The following LYPD6B variants were observed in gnomAD, a reference collection of about 807,000 sequenced individuals.
LYPD6B encodes LY6/PLAUR domain containing 6B.
A neutral mutation model predicts 22.8 loss-of-function variants in LYPD6B; 17 were observed. The ratio of observed to expected loss-of-function variants is 0.75; its 90% CI spans 0.51 to 1.12. The LOEUF (loss-of-function observed/expected upper bound fraction) is 1.12. Among genes scored for constraint, LYPD6B ranks in the 50% most tolerant of loss-of-function variants. LYPD6B has a pLI of 0.00. For synonymous variants in LYPD6B, 106 were observed against 91.6 expected (o/e 1.16, Z -0.90); for missense variants, 221 against 258.3 (o/e 0.86, Z 0.99).
rs1684923343 is a variant in LYPD6B at position 149,077,362 on chromosome 2, C to G, written c.-67+38561C>G. On this transcript the variant is annotated intron_variant, in intron 1 of 6. Transcript: ENST00000409642. ...TTGTTTTCTGGCATACCTTAAATAA[C>G]TGCCTGGACATGATTGATTAACTCT... 3.3e-5 allele frequency among the ~76,000 whole-genome samples: 5 copies of G among 152,230 alleles called. No homozygotes were observed. The South Asian group carries it at 1.0e-3, about 32-fold the overall frequency.
chr2:149,155,801 G>A (rs1689664077), intron 2 of LYPD6B, among the ~76,000 whole-genome samples: 1 of 152,194 alleles, frequency 6.6e-6, no homozygotes, highest in Admixed American at 6.5e-5. Flanking sequence ...CATTGTCTGT[G>A]GAGGCTGTAG....
At chr2:149,099,952 C>A (rs867135208) in intron 1 of LYPD6B, among the ~76,000 whole-genome samples, 2 of 152,160 alleles carry the variant, frequency 1.3e-5, no homozygotes, top group South Asian at 2.1e-4. Flanking sequence ...CTGTTCTGGG[C>A]AGCCTGAGGG....
chr2:149,147,090 G>C (rs1384239958), intron 2 of LYPD6B, among the ~76,000 whole-genome samples: 2 of 152,126 alleles, frequency 1.3e-5, no homozygotes, highest in African/African-American at 4.8e-5. Flanking sequence ...CTTCTCAGCG[G>C]TTCCCAGAGC....
At chr2:149,046,873 A>C (rs1683330894) in intron 1 of LYPD6B, among the ~76,000 whole-genome samples, 2 of 152,214 alleles carry the variant, frequency 1.3e-5, no homozygotes, top group Non-Finnish European at 2.9e-5. Flanking sequence ...CCAGGGGTCA[A>C]CAAACTTTTT....
rs144581021 is a variant in LYPD6B at position 149,120,953 on chromosome 2, G to T, written c.-66-9930G>T. Among the ~76,000 whole-genome samples, 952 of 151,536 alleles carry T rather than the reference G, an allele frequency of 6.3e-3. 10 individuals are homozygous for T. Among genetic ancestry groups the T allele is most frequent in the African/African-American group, 0.021 (873 of 41,266 alleles). On this transcript the variant is annotated intron_variant, in intron 1 of 6. Coordinates refer to ENST00000409642, the MANE Select transcript of LYPD6B (RefSeq NM_177964.5). ...ACTACAGGTGTGCACCACCATACCT[G>T]GCTAATTTTTGTATTTTCAGTAGAG... is the stretch of plus-strand genomic sequence containing the variant.
At chr2:149,190,402 G>A (rs1330644296) in intron 3 of LYPD6B, among the ~76,000 whole-genome samples, 1 of 152,138 alleles carries the variant, frequency 6.6e-6, no homozygotes, top group Non-Finnish European at 1.5e-5. Flanking sequence ...ATGTATCATT[G>A]TACATGTATG....
intron 3 of LYPD6B, among the ~76,000 whole-genome samples, chr2:149,186,009 A>C (rs1448672629): frequency 2.0e-5 from 3 of 152,212 alleles, no homozygotes; most frequent in Non-Finnish European, 4.4e-5. Context: ...GGGCTTCCCT[A>C]TTCCTTGAGA....
At chr2:149,147,997 C>A (rs1476235575) in intron 2 of LYPD6B, among the ~76,000 whole-genome samples, 3 of 149,250 alleles carry the variant, frequency 2.0e-5, no homozygotes, top group Non-Finnish European at 4.4e-5. Flanking sequence ...TTCCATTCTT[C>A]TTCTGTTTTC....
At chr2:149,069,812 T>G (rs755563847) in intron 1 of LYPD6B, among the ~76,000 whole-genome samples, 70 of 152,090 alleles carry the variant, frequency 4.6e-4, no homozygotes, top group Non-Finnish European at 8.1e-4. Context: ...GTTCCAGTCC[T>G]GCAGAAGCTT....
chr2:149,154,887 C>T (rs927296611), intron 2 of LYPD6B, among the ~76,000 whole-genome samples: 9 of 152,030 alleles, frequency 5.9e-5, no homozygotes, highest in East Asian at 1.9e-4. Context: ...TATGGACTCG[C>T]GAAATACTCA....
intron 1 of LYPD6B, among the ~76,000 whole-genome samples, chr2:149,122,084 G>T (rs996092732): frequency 6.6e-6 from 1 of 152,144 alleles, no homozygotes; most frequent in Non-Finnish European, 1.5e-5. Flanking sequence ...CCATTTAGTG[G>T]AATCTCAAGC....
rs180804549 is a variant in LYPD6B, at chr2:149,204,946, C to T, written c.78-307C>T. On this transcript the variant is annotated intron_variant, in intron 3 of 6. Transcript: ENST00000409642. ...TTCAGCACAGAGGAAACCAGCTAGC[C>T]GCAGTCACTGAGGGAATGGGGTGCA... 628 of 255,068 alleles carry T rather than the reference C, an allele frequency of 2.5e-3. 2 individuals carry two copies. The highest frequency in any genetic ancestry group is 3.5e-3 in the Non-Finnish European group (472 of 134,392). 15.8% of individuals were successfully genotyped at this position (255,068 alleles called of 1,614,324 possible). A position where few individuals can be genotyped will look rare whatever the true frequency, so the allele number is the denominator to read the frequency against.
intron 1 of LYPD6B, among the ~76,000 whole-genome samples, chr2:149,122,633 T>A (rs891767449): frequency 2.9e-5 from 4 of 138,626 alleles, no homozygotes; most frequent in African/African-American, 1.1e-4. Flanking sequence ...AGTGTTCTCA[T>A]TGTTCAATTC....
intron 2 of LYPD6B, among the ~76,000 whole-genome samples, chr2:149,157,545 A>G (rs762058336): frequency 7.9e-5 from 12 of 152,196 alleles, no homozygotes; most frequent in Non-Finnish European, 1.5e-4. Context: ...TTTGCTTGCA[A>G]TTCCCTTGCC....
At chr2:149,103,222 C>T (rs1390883557) in intron 1 of LYPD6B, among the ~76,000 whole-genome samples, 1 of 152,182 alleles carries the variant, frequency 6.6e-6, no homozygotes, top group Non-Finnish European at 1.5e-5. Context: ...AGTGCAGTGA[C>T]AGCGTTGCAT....
At chr2:149,122,843 T>C (rs549956023) in intron 1 of LYPD6B, among the ~76,000 whole-genome samples, 4 of 152,232 alleles carry the variant, frequency 2.6e-5, no homozygotes, top group African/African-American at 9.6e-5. Context: ...TGGATGGCAA[T>C]AAAAATTTAA....
intron 1 of LYPD6B, among the ~76,000 whole-genome samples, chr2:149,106,703 T>C (rs1417859114): frequency 6.6e-6 from 1 of 152,228 alleles, no homozygotes; most frequent in Non-Finnish European, 1.5e-5. Flanking sequence ...TGGAAGGTTA[T>C]GAAATGATTG....
intron 3 of LYPD6B, among the ~76,000 whole-genome samples, chr2:149,182,692 G>A (rs1691825662): frequency 6.6e-6 from 1 of 152,170 alleles, no homozygotes; most frequent in Non-Finnish European, 1.5e-5. Flanking sequence ...AACCAACAAG[G>A]AGAAAGTCCC....
intron 1 of LYPD6B, among the ~76,000 whole-genome samples, chr2:149,069,948 G>A (rs12997550): frequency 2.0e-5 from 3 of 151,160 alleles, no homozygotes; most frequent in Admixed American, 6.6e-5. Flanking sequence ...TGGTGTGTGT[G>A]TGTGTACGTG....
Sources: allele counts gnomAD v4.1 joint callset (sites outside exome capture counted in the v4.1 genomes callset), GRCh38; gene constraint gnomAD v4.1.1; transcripts MANE v1.5; gene names NCBI Gene and HGNC (gene_info 2026-07-23, HGNC 2026-07-21).